Variants in MYO3B observed in about 807,000 individuals in gnomAD.
MYO3B encodes myosin IIIB.
A neutral mutation model predicts 174.6 loss-of-function variants in MYO3B; 156 were observed. The ratio of observed to expected loss-of-function variants is 0.89; its 90% CI spans 0.78 to 1.02. The LOEUF (loss-of-function observed/expected upper bound fraction) is 1.02, where lower values mean the gene tolerates loss of function less well. Among genes scored for constraint, MYO3B ranks in the 50% least tolerant of loss-of-function variants. The pLI is 0.00. For synonymous variants in MYO3B, 563 were observed against 569.1 expected, an observed-to-expected ratio of 0.99 and a Z score of 0.15; for missense variants, 1,632 against 1,639.4, an observed-to-expected ratio of 1.00 and a Z score of 0.08.
intron 32 of MYO3B, among the ~76,000 whole-genome samples, chr2:170,572,897 T>G (rs183550835): frequency 7.2e-5 from 11 of 152,262 alleles, no homozygotes; most frequent in Admixed American, 2.0e-4. Flanking sequence ...TTAATGACTG[T>G]TTTTTCCCTA....
intron 32 of MYO3B, among the ~76,000 whole-genome samples, chr2:170,613,881 C>T (rs1332139655): frequency 6.6e-6 from 1 of 152,154 alleles, no homozygotes; most frequent in East Asian, 1.9e-4. Context: ...AGCTGACTCT[C>T]CTTGCTCCTC....
rs1696366335 is a variant in MYO3B, at chr2:170,625,798, C to T, written c.3734-25830C>T. 2.6e-5 allele frequency among the ~76,000 whole-genome samples: 4 copies of T among 152,324 alleles called. No homozygotes were observed. The South Asian group carries it at 8.3e-4, about 32-fold the overall frequency. The stretch of plus-strand genomic sequence containing the variant: ...CAAAGAACATCTTTATTTCTGCCTT[C>T]ATTTCGTTATGTACCCAGTAGTCAT... On this transcript the variant is annotated intron_variant, in intron 32 of 34. Transcript: ENST00000408978.
intron 1 of MYO3B, among the ~76,000 whole-genome samples, chr2:170,183,509 A>T (rs920580459): frequency 6.6e-6 from 1 of 152,172 alleles, no homozygotes; most frequent in Non-Finnish European, 1.5e-5. Flanking sequence ...TAACATATAG[A>T]AAAATATATT....
chr2:170,340,510 A>G (rs745366344), intron 8 of MYO3B: 3 of 152,222 alleles, frequency 2.0e-5, no homozygotes, highest in Non-Finnish European at 2.9e-5. Flanking sequence ...AAGACAGATT[A>G]ACAAAAGAAA....
intron 32 of MYO3B, among the ~76,000 whole-genome samples, chr2:170,626,272 C>T (rs575097996): frequency 2.4e-4 from 37 of 152,298 alleles, no homozygotes; most frequent in African/African-American, 8.4e-4. Context: ...GGATAGTTAG[C>T]TCTTCTTGTT....
intron 22 of MYO3B, chr2:170,408,439 C>T (rs1053628744): frequency 6.6e-6 from 1 of 152,420 alleles, no homozygotes; most frequent in African/African-American, 2.4e-5. Context: ...AAACTAGGGC[C>T]AAAGAACAGA....
chr2:170,401,335 T>C (rs1037063646), intron 17 of MYO3B, 146 bp from the exon 18 acceptor site: 13 of 673,238 alleles, frequency 1.9e-5, no homozygotes, highest in Non-Finnish European at 3.1e-5. Context: ...TGGAAGCTTC[T>C]TGGGGTTAGG....
At chr2:170,576,945 C>T (rs1445014404) in intron 32 of MYO3B, among the ~76,000 whole-genome samples, 1 of 152,160 alleles carries the variant, frequency 6.6e-6, no homozygotes, top group Non-Finnish European at 1.5e-5. Flanking sequence ...CAGAGAATAT[C>T]CTGGGCTCCA....
intron 8 of MYO3B, among the ~76,000 whole-genome samples, chr2:170,347,526 C>T (rs905224815): frequency 2.0e-5 from 3 of 152,100 alleles, no homozygotes; most frequent in Admixed American, 6.5e-5. Context: ...CGCTTGAACC[C>T]GGGAGGTTGA....
At chr2:170,558,380 C>T (rs920977188) in intron 32 of MYO3B, among the ~76,000 whole-genome samples, 4 of 151,964 alleles carry the variant, frequency 2.6e-5, no homozygotes, top group African/African-American at 4.8e-5. Flanking sequence ...TGAGCACAAC[C>T]GAGATCACAA....
intron 7 of MYO3B, among the ~76,000 whole-genome samples, chr2:170,249,581 C>CA (rs963591954): frequency 3.9e-5 from 6 of 152,150 alleles, no homozygotes; most frequent in South Asian, 4.2e-4. Context: ...TATTTCAAAT[C>CA]AAAAAACAAG....
intron 32 of MYO3B, among the ~76,000 whole-genome samples, chr2:170,608,856 T>C (rs573309069): frequency 3.3e-5 from 5 of 152,262 alleles, no homozygotes; most frequent in South Asian, 4.2e-4. Flanking sequence ...AGAAAGACTT[T>C]TGTTTTCCAT....
intron 1 of MYO3B, among the ~76,000 whole-genome samples, chr2:170,188,096 CCT>C (rs1388657845): frequency 2.6e-5 from 4 of 152,058 alleles, no homozygotes; most frequent in Non-Finnish European, 5.9e-5. Flanking sequence ...TTTATTGGAG[CCT>C]CTCTTTAGCT....
intron 9 of MYO3B, among the ~76,000 whole-genome samples, chr2:170,377,441 C>T (rs996881547): frequency 2.0e-5 from 3 of 152,180 alleles, no homozygotes; most frequent in South Asian, 2.1e-4. Context: ...CTGTCTTTCC[C>T]GTTCTTCAGA....
At chr2:170,559,918 G>A (rs1691593621) in intron 32 of MYO3B, among the ~76,000 whole-genome samples, 1 of 152,130 alleles carries the variant, frequency 6.6e-6, no homozygotes, top group Non-Finnish European at 1.5e-5. Flanking sequence ...AAGAATGTGT[G>A]TGTGTTTGTC....
chr2:170,643,838 C>T (rs1429151587), intron 32 of MYO3B: 1 of 152,238 alleles, frequency 6.6e-6, no homozygotes, highest in East Asian at 1.9e-4. Flanking sequence ...CGCATTCTGC[C>T]CCACCAAGCT....
chr2:170,534,161 G>A (rs7584681), intron 30 of MYO3B, among the ~76,000 whole-genome samples: 104,086 of 152,150 alleles, frequency 0.68, 35,946 homozygotes, highest in East Asian at 0.83. Context: ...GAGCAAGTCT[G>A]TTTTTGCCAT....
chr2:170,342,198 A>C (rs2093981217), intron 8 of MYO3B: 1 of 152,184 alleles, frequency 6.6e-6, no homozygotes, highest in African/African-American at 2.4e-5. Context: ...ATTTTATGTT[A>C]GTGCTTGTGG....
At chr2:170,562,361 T>C (rs538704933) in intron 32 of MYO3B, among the ~76,000 whole-genome samples, 1 of 152,322 alleles carries the variant, frequency 6.6e-6, no homozygotes, top group African/African-American at 2.4e-5. Flanking sequence ...GTTCCAGATA[T>C]CTCAGATATT....
Sources: gnomAD v4.1 joint callset for allele counts (sites outside exome capture counted in the v4.1 genomes callset) on GRCh38, gnomAD v4.1.1 for gene constraint, MANE v1.5 for transcripts, NCBI Gene and HGNC (gene_info 2026-07-23, HGNC 2026-07-21) for gene names.